Variants in SRFBP1 observed in about 807,000 individuals in gnomAD.
The protein encoded by SRFBP1 is serum response factor binding protein 1.
In SRFBP1, 47 loss-of-function variants were observed where a neutral mutation model predicts 45.5. The ratio of observed to expected loss-of-function variants is 1.03; its 90% CI spans 0.82 to 1.32. The LOEUF is 1.32. Among genes scored for constraint, SRFBP1 ranks in the 40% most tolerant of loss-of-function variants. The pLI, the probability that SRFBP1 is intolerant of heterozygous loss-of-function variation, is 0.00. For synonymous variants in SRFBP1, 203 were observed against 166.3 expected, an observed-to-expected ratio of 1.22 and a Z score of -1.70; for missense variants, 621 against 484.6, an observed-to-expected ratio of 1.28 and a Z score of -2.64.
At chr5:121,999,998 A>G (rs576639101) in intron 4 of SRFBP1, among the ~76,000 whole-genome samples, 5 of 152,090 alleles carry the variant, frequency 3.3e-5, no homozygotes, top group African/African-American at 1.2e-4. Flanking sequence ...TATTTGCTTC[A>G]TATCTTTTTT....
chr5:122,030,679 T>G (rs1753575432), downstream of SRFBP1, among the ~76,000 whole-genome samples: 1 of 151,850 alleles, frequency 6.6e-6, no homozygotes, highest in African/African-American at 2.4e-5. Flanking sequence ...AAAAACTAAG[T>G]AAGTTAAAAT....
downstream of SRFBP1, among the ~76,000 whole-genome samples, chr5:122,076,245 T>C (rs1237119473): frequency 6.6e-6 from 1 of 152,228 alleles, no homozygotes; most frequent in Non-Finnish European, 1.5e-5. Context: ...GTCTATATGT[T>C]CAGGTGGTAT....
chr5:121,987,860 T>A (rs1299053835), intron 3 of SRFBP1, among the ~76,000 whole-genome samples: 4 of 152,192 alleles, frequency 2.6e-5, no homozygotes, highest in Non-Finnish European at 5.9e-5. Flanking sequence ...AATAGTTTGG[T>A]TACAAATGTT....
At chr5:122,066,666 C>T in intron 2 of SRFBP1, 1 of 1,152,588 alleles carries the variant, frequency 8.7e-7, no homozygotes, top group South Asian at 1.3e-5. Flanking sequence ...TACATAAATC[C>T]TACTGAAGTT....
At chr5:121,993,152 T>C (rs1752651516) in intron 3 of SRFBP1, among the ~76,000 whole-genome samples, 1 of 152,162 alleles carries the variant, frequency 6.6e-6, no homozygotes, top group Admixed American at 6.6e-5. Flanking sequence ...ATATATCTTT[T>C]AAATATATTT....
intron 2 of SRFBP1, among the ~76,000 whole-genome samples, chr5:122,071,407 T>C (rs1387094942): frequency 1.3e-5 from 2 of 152,114 alleles, no homozygotes. Context: ...CTATACTCTC[T>C]CTCATACAGT....
chr5:122,048,642 C>T (rs1753908725), intron 2 of SRFBP1, among the ~76,000 whole-genome samples: 1 of 152,142 alleles, frequency 6.6e-6, no homozygotes, highest in African/African-American at 2.4e-5. Context: ...CTTTGTACCT[C>T]TGGTAGAATT....
chr5:121,966,765 T>A (rs918064825), intron 1 of SRFBP1, among the ~76,000 whole-genome samples: 4 of 151,688 alleles, frequency 2.6e-5, no homozygotes, highest in Admixed American at 2.6e-4. Flanking sequence ...ACATTTTATT[T>A]TTTTTTATTT....
intron 1 of SRFBP1, among the ~76,000 whole-genome samples, chr5:121,965,848 T>A (rs1343856344): frequency 6.6e-6 from 1 of 152,222 alleles, no homozygotes; most frequent in Non-Finnish European, 1.5e-5. Context: ...CATTTGTATG[T>A]GTCCTCTCTT....
chr5:121,976,752 T>A lies in SRFBP1; in HGVS notation c.198+1365T>A, dbSNP rs1010068473. ...GTGTGTATGCATGTATATATATATA[T>A]AATATATATATGTGCATACACATAC... On this transcript the variant is annotated intron_variant, in intron 3 of 7. Transcript: ENST00000339397. Among the ~76,000 whole-genome samples, 179 of 150,526 alleles carry A rather than the reference T, an allele frequency of 1.2e-3. 1 individual carries two copies. The highest frequency in any genetic ancestry group is 4.1e-3 in the African/African-American group (169 of 41,176).
intron 1 of SRFBP1, 54 bp from the exon 2 acceptor site, chr5:121,974,142 T>C (rs1186995285): frequency 1.6e-6 from 2 of 1,218,992 alleles, no homozygotes; most frequent in East Asian, 2.4e-5. Context: ...AAATAAAGTG[T>C]GTTTGTTCCT....
intron 3 of SRFBP1, among the ~76,000 whole-genome samples, chr5:121,978,495 CT>C (rs757965064): frequency 9.4e-5 from 14 of 149,558 alleles, no homozygotes; most frequent in South Asian, 2.1e-4. Context: ...ATCTGTATTT[CT>C]TTTTTTTTTA....
chr5:122,066,829 A>C lies in SRFBP1; in HGVS notation n.312-8486A>C, dbSNP rs1276506593. On this transcript the variant is annotated intron_variant and non_coding_transcript_variant, in intron 2 of 2. Coordinates refer to the SRFBP1 transcript ENST00000504881. ...AGTACAACAGACAAATTTAAAGTCA[A>C]CCTTTTAAAAACTTTATGCAACAGT... 6 of 913,780 alleles carry C rather than the reference A, an allele frequency of 6.6e-6. No homozygotes were observed. The East Asian group carries it at 1.4e-4, about 22-fold the overall frequency. The allele number at this position is 913,780 out of a possible 1,614,324, so 56.6% of individuals were successfully genotyped here.
At chr5:122,074,386 G>C (rs1471597897) in intron 2 of SRFBP1, among the ~76,000 whole-genome samples, 1 of 152,096 alleles carries the variant, frequency 6.6e-6, no homozygotes, top group Non-Finnish European at 1.5e-5. Flanking sequence ...TAGGACAAAA[G>C]ACTTAGTTCA....
chr5:122,019,749 A>G (rs996204449), intron 5 of SRFBP1, among the ~76,000 whole-genome samples: 1 of 151,814 alleles, frequency 6.6e-6, no homozygotes, highest in Non-Finnish European at 1.5e-5. Context: ...CTGAAAGCAC[A>G]GTTTATAATA....
chr5:121,998,918 A>T (rs1358473664), intron 4 of SRFBP1, among the ~76,000 whole-genome samples: 1 of 152,046 alleles, frequency 6.6e-6, no homozygotes, highest in Admixed American at 6.6e-5. Flanking sequence ...TCCCTTTTAT[A>T]ATTTGTACCC....
chr5:122,034,880 C>G (rs1209189204), intron 2 of SRFBP1, among the ~76,000 whole-genome samples: 7 of 152,032 alleles, frequency 4.6e-5, no homozygotes, highest in African/African-American at 1.2e-4. Context: ...GGGATTGTTA[C>G]TCTTAGTGAT....
chr5:121,977,296 A>G (rs539790745), intron 3 of SRFBP1, among the ~76,000 whole-genome samples: 33 of 152,052 alleles, frequency 2.2e-4, no homozygotes, highest in African/African-American at 7.7e-4. Flanking sequence ...TAGTATATAT[A>G]TGTCTTGAGT....
At chr5:122,024,979 A>G (rs1351583063) in intron 7 of SRFBP1, among the ~76,000 whole-genome samples, 3 of 151,922 alleles carry the variant, frequency 2.0e-5, no homozygotes, top group Non-Finnish European at 2.9e-5. Context: ...TTATTATTAC[A>G]CTTTAAGTTT....
Sources: gnomAD v4.1 joint callset for allele counts (sites outside exome capture counted in the v4.1 genomes callset) on GRCh38, gnomAD v4.1.1 for gene constraint, MANE v1.5 for transcripts, NCBI Gene and HGNC (gene_info 2026-07-23, HGNC 2026-07-21) for gene names.